The following DHX34 variants were observed in gnomAD, a reference collection of about 807,000 sequenced individuals.
The protein encoded by DHX34 is DExH-box helicase 34.
A neutral mutation model predicts 111.1 loss-of-function variants in DHX34; 96 were observed. The observed-to-expected ratio is 0.86, with a 90% CI of 0.73 to 1.02. DHX34 has a LOEUF of 1.02. Ranked by LOEUF, DHX34 falls within the 50% of genes least tolerant of loss-of-function variation. The pLI is 0.00. For synonymous variants in DHX34, 688 were observed against 670.4 expected (o/e 1.03, Z -0.41); for missense variants, 1,560 against 1,579.9 (o/e 0.99, Z 0.21).
In DHX34 at chr19:47,353,563, A is replaced by G. The variant is rs765644917; in HGVS notation, c.533A>G (p.His178Arg). 1.9e-6 allele frequency: 3 copies of G among 1,613,420 alleles called. No homozygotes were observed. The South Asian group carries it at 3.3e-5, about 18-fold the overall frequency. Reference protein sequence around the residue: ...GNRILQTLKEHQVVVVAGDTG... With the variant: ...GNRILQTLKERQVVVVAGDTG... Reference sequence around the variant, plus strand: ...CGCATCCTGCAGACGCTGAAGGAGCACCAGGTGGTGGTAGTGGCCGGTGAC... The same window carrying G: ...CGCATCCTGCAGACGCTGAAGGAGCGCCAGGTGGTGGTAGTGGCCGGTGAC... The change falls in exon 2 of 17, where the codon CAC becomes CGC. Residue 178 changes from histidine (H) to arginine (R), a missense_variant. His to Arg is a conservative substitution (Grantham distance 29). Transcript: ENST00000328771. The surrounding 1 kb of genome is among the most constrained non-coding windows in gnomAD (Gnocchi z 4.6).
chr19:47,374,726 G>C (rs1285471395), intron 9 of DHX34, among the ~76,000 whole-genome samples: 1 of 152,184 alleles, frequency 6.6e-6, no homozygotes, highest in Non-Finnish European at 1.5e-5. Context: ...ATTGCTCTGA[G>C]CATGGGTCCC....
At chr19:47,377,469 C>A (rs1970205826) in intron 13 of DHX34, among the ~76,000 whole-genome samples, 1 of 144,694 alleles carries the variant, frequency 6.9e-6, no homozygotes, top group Admixed American at 6.9e-5. Context: ...AAGCCCAGCC[C>A]CTGCCCTCTC....
At chr19:47,354,445 ATAT>A (rs1250961397) in intron 2 of DHX34, among the ~76,000 whole-genome samples, 3 of 152,152 alleles carry the variant, frequency 2.0e-5, no homozygotes, top group East Asian at 1.9e-4. Context: ...TATATAGTTA[ATAT>A]TATATATACA....
chr19:47,351,171 C>CTTTTTTT lies in DHX34; in HGVS notation c.-277-1564_-277-1558dup, dbSNP rs955543104. Among the ~76,000 whole-genome samples, 761 of 93,164 alleles carry CTTTTTTT rather than the reference C, an allele frequency of 8.2e-3. 2 individuals are homozygous for CTTTTTTT. The highest frequency in any genetic ancestry group is 0.011 in the Non-Finnish European group (550 of 49,474). The allele number at this position is 93,164 out of a possible 152,430, so 61.1% of individuals were successfully genotyped here. On this transcript the variant is annotated intron_variant, in intron 1 of 16. Transcript: ENST00000328771. ...AGAAGAATGCTCTCATTTTCTTTTT[C>CTTTTTTT]TTTTTTTTTTTTTTTTTTTTTTTTT...
At chr19:47,361,186 G>A (rs527791159) in intron 5 of DHX34, among the ~76,000 whole-genome samples, 31 of 152,160 alleles carry the variant, frequency 2.0e-4, no homozygotes, top group Non-Finnish European at 4.0e-4. Context: ...GGCTGGGCGC[G>A]GTGGCTCACA....
At chr19:47,370,770 G>T (rs1387986849) in intron 7 of DHX34, among the ~76,000 whole-genome samples, 1 of 152,120 alleles carries the variant, frequency 6.6e-6, no homozygotes, top group East Asian at 1.9e-4. Flanking sequence ...TCCACCTCCC[G>T]GGTTCAAGTG....
At chr19:47,360,290 C>G (rs753063411) in intron 5 of DHX34, among the ~76,000 whole-genome samples, 5 of 152,172 alleles carry the variant, frequency 3.3e-5, no homozygotes, top group Non-Finnish European at 5.9e-5. Flanking sequence ...TATGTCAAAT[C>G]CAGAAATCTG....
At chr19:47,377,543 G>C (rs1172401175) in intron 13 of DHX34, among the ~76,000 whole-genome samples, 1 of 152,134 alleles carries the variant, frequency 6.6e-6, no homozygotes, top group Non-Finnish European at 1.5e-5. Flanking sequence ...ACGTGTGGGA[G>C]GGTGGACACA....
At chr19:47,367,939 A>G (rs958055840) in intron 7 of DHX34, among the ~76,000 whole-genome samples, 3 of 151,544 alleles carry the variant, frequency 2.0e-5, no homozygotes, top group African/African-American at 7.3e-5. Context: ...GGTGAGATTC[A>G]TTTTGATAAA....
intron 2 of DHX34, among the ~76,000 whole-genome samples, chr19:47,354,743 C>T (rs1248844072): frequency 5.3e-5 from 8 of 152,152 alleles, no homozygotes; most frequent in Non-Finnish European, 1.0e-4. Context: ...CTCCGCCTCC[C>T]GGGTTTAGGT....
chr19:47,368,798 C>T (rs1969882635), intron 7 of DHX34, among the ~76,000 whole-genome samples: 1 of 151,976 alleles, frequency 6.6e-6, no homozygotes, highest in Non-Finnish European at 1.5e-5. Flanking sequence ...ATTGGAACTT[C>T]TGCCTCCTGG....
rs1013872835 is a variant in DHX34, at chr19:47,382,184, C to T, written c.*71C>T. 1.6e-5 allele frequency: 25 copies of T among 1,574,796 alleles called. No individual in the cohort carries two copies. In the African/African-American group the frequency reaches 3.4e-4, roughly 21 times the overall value. ...CCAGCCCAGGACTAGGGGCAGGACT[C>T]TTGCCTGAACCCCCAGCCTGGGCTT... On this transcript the variant is annotated 3_prime_UTR_variant, in exon 17 of 17. Transcript: ENST00000328771.
chr19:47,366,507 C>T (rs1262435562), intron 6 of DHX34, among the ~76,000 whole-genome samples: 2 of 151,940 alleles, frequency 1.3e-5, no homozygotes, highest in Non-Finnish European at 2.9e-5. Context: ...TCTCAAACTC[C>T]TGACCTCAAG....
chr19:47,361,170 C>T (rs1463319740), intron 5 of DHX34, among the ~76,000 whole-genome samples: 4 of 151,980 alleles, frequency 2.6e-5, no homozygotes, highest in South Asian at 2.1e-4. Context: ...AATGGCAGGC[C>T]GTCCCGGCTG....
intron 13 of DHX34, among the ~76,000 whole-genome samples, chr19:47,377,806 G>A (rs186056538): frequency 2.0e-5 from 3 of 152,108 alleles, no homozygotes; most frequent in African/African-American, 7.2e-5. Flanking sequence ...CAGCTGCCAG[G>A]AGGGAGAGGA....
chr19:47,378,297 AGTGTT>A, intron 13 of DHX34, among the ~76,000 whole-genome samples: 1 of 121,938 alleles, frequency 8.2e-6, no homozygotes, highest in African/African-American at 4.0e-5. Context: ...AGGCACTGTT[AGTGTT>A]CAGTGTTCTG....
Position 47,352,904 on chromosome 19 carries a change from T to G in DHX34, c.-127T>G. ...CTGTGCCGTGACCAGGAGGAAAAAT[T>G]AGCTCTTTGAAGAGAAAGTAGTTCT... On this transcript the variant is annotated 5_prime_UTR_variant, in exon 2 of 17. It adds an upstream start codon to the 5' untranslated region. Transcript: ENST00000328771. The G allele has an allele frequency of 6.9e-7, 1 of 1,447,216 alleles. No homozygotes were observed. The highest frequency in any genetic ancestry group is 9.1e-7 in the Non-Finnish European group (1 of 1,101,592). 89.6% of individuals were successfully genotyped at this position (1,447,216 alleles called of 1,614,324 possible). A position where few individuals can be genotyped will look rare whatever the true frequency, so the allele number is the denominator to read the frequency against.
At position 47,353,446 on chromosome 19, in the gene DHX34, A is replaced by G. The variant is rs147072025; in HGVS notation, c.416A>G (p.His139Arg). ...GCTGAGTTCCGCCGAGCCCTGTTGCACTACCTGGACTTTGGCCAGAAGCAG... is the reference window on the plus strand; with the variant it reads ...GCTGAGTTCCGCCGAGCCCTGTTGCGCTACCTGGACTTTGGCCAGAAGCAG... ...RVAEFRRALL[H>R]YLDFGQKQAF... is the part of the protein sequence containing the mutation. The change falls in exon 2 of 17, where the codon CAC becomes CGC. Residue 139 changes from histidine (H) to arginine (R), a missense_variant. Coordinates refer to ENST00000328771, the MANE Select transcript of DHX34 (RefSeq NM_014681.6). This position sits in a 1 kb window ranked among gnomAD's most constrained non-coding sequence, Gnocchi z 4.6. 2 of 1,614,138 alleles carry G rather than the reference A, an allele frequency of 1.2e-6. No homozygotes were observed. The highest frequency in any genetic ancestry group is 8.5e-7 in the Non-Finnish European group (1 of 1,180,024).
At chr19:47,379,139 TAAATTAA>T (rs1041975419) in intron 13 of DHX34, among the ~76,000 whole-genome samples, 91 of 148,144 alleles carry the variant, frequency 6.1e-4, no homozygotes, top group African/African-American at 2.1e-3. Flanking sequence ...AATAAATAAA[TAAATTAA>T]TAATAATAAT....
Sources: allele counts gnomAD v4.1 joint callset (sites outside exome capture counted in the v4.1 genomes callset), GRCh38; gene constraint gnomAD v4.1.1; non-coding constraint Gnocchi (gnomAD v3.1); transcripts MANE v1.5; gene names NCBI Gene and HGNC (gene_info 2026-07-23, HGNC 2026-07-21).